Variants in PKNOX2 observed in about 807,000 individuals in gnomAD.
PKNOX2 encodes homeobox protein PKNOX2.
A neutral mutation model predicts 53.1 loss-of-function variants in PKNOX2; 14 were observed. The ratio of observed to expected loss-of-function variants is 0.26; its 90% CI spans 0.17 to 0.41. The LOEUF (loss-of-function observed/expected upper bound fraction) is 0.41, where lower values mean the gene tolerates loss of function less well. Among genes scored for constraint, PKNOX2 ranks in the 10% least tolerant of loss-of-function variants. The pLI, the probability that PKNOX2 is intolerant of heterozygous loss-of-function variation, is 1.00. For missense variants in PKNOX2, 496 were observed against 602.8 expected (o/e 0.82, Z 1.85); for synonymous variants, 257 against 242.8 (o/e 1.06, Z -0.54).
chr11:125,344,037 A>T (rs1393295185), intron 3 of PKNOX2, among the ~76,000 whole-genome samples: 1 of 152,156 alleles, frequency 6.6e-6, no homozygotes, highest in Non-Finnish European at 1.5e-5. Context: ...GCGGCTGAGG[A>T]GGGTGATGGA....
chr11:125,400,178 G>A (rs1394996506), intron 7 of PKNOX2, among the ~76,000 whole-genome samples: 3 of 152,118 alleles, frequency 2.0e-5, no homozygotes, highest in Non-Finnish European at 4.4e-5. Context: ...GGGGGAGGGG[G>A]TGATGCAAGC....
At chr11:125,232,417 C>T (rs1436784725) in intron 1 of PKNOX2, among the ~76,000 whole-genome samples, 3 of 152,182 alleles carry the variant, frequency 2.0e-5, no homozygotes, top group African/African-American at 4.8e-5. Context: ...GTCATTCATC[C>T]TCACCACCAC....
chr11:125,400,889 C>T (rs1954704833), intron 7 of PKNOX2, among the ~76,000 whole-genome samples: 1 of 152,106 alleles, frequency 6.6e-6, no homozygotes, highest in Admixed American at 6.5e-5. Context: ...ACCAAATCAC[C>T]TTATTATAGG....
At chr11:125,212,797 G>T (rs932738619) in intron 1 of PKNOX2, among the ~76,000 whole-genome samples, 3 of 152,028 alleles carry the variant, frequency 2.0e-5, no homozygotes, top group African/African-American at 7.2e-5. Context: ...TTCCCTAGTT[G>T]CTCCCACATC....
intron 3 of PKNOX2, among the ~76,000 whole-genome samples, chr11:125,349,837 TCACACACACACACACACACA>T (rs60332384): frequency 7.2e-6 from 1 of 138,038 alleles, no homozygotes; most frequent in Admixed American, 7.2e-5. Context: ...ACCAAAAGAA[TCACACACACACACACACACA>T]CACACACACA....
intron 2 of PKNOX2, among the ~76,000 whole-genome samples, chr11:125,269,304 T>A (rs1945608115): frequency 6.6e-6 from 1 of 152,160 alleles, no homozygotes; most frequent in African/African-American, 2.4e-5. Context: ...GTATTCATCA[T>A]CCTGATGGAA....
intron 1 of PKNOX2, among the ~76,000 whole-genome samples, chr11:125,199,528 G>A (rs145572732): frequency 6.6e-6 from 1 of 152,212 alleles, no homozygotes; most frequent in African/African-American, 2.4e-5. Context: ...GGTCAGCAAT[G>A]TGGGCTCCTG....
chr11:125,184,344 TC>T (rs1956329065), intron 1 of PKNOX2: 1 of 152,164 alleles, frequency 6.6e-6, no homozygotes, highest in Non-Finnish European at 1.5e-5. Flanking sequence ...GGGATGACTA[TC>T]CCCATTTTCA....
chr11:125,391,435 C>G (rs1377319282), intron 6 of PKNOX2, among the ~76,000 whole-genome samples: 2 of 152,140 alleles, frequency 1.3e-5, no homozygotes, highest in African/African-American at 2.4e-5. Flanking sequence ...ACCATAATAC[C>G]ACAGTGGTAT....
At chr11:125,214,352 A>G (rs1010782287) in intron 1 of PKNOX2, among the ~76,000 whole-genome samples, 1 of 149,598 alleles carries the variant, frequency 6.7e-6, no homozygotes, top group Non-Finnish European at 1.5e-5. Flanking sequence ...TCTCCCTCTT[A>G]CTCCCTTTCT....
At chr11:125,404,846 A>G (rs1954978210) in intron 7 of PKNOX2, among the ~76,000 whole-genome samples, 1 of 152,218 alleles carries the variant, frequency 6.6e-6, no homozygotes, top group Admixed American at 6.5e-5. Context: ...TGTGTCCAGT[A>G]TGTAAGGCAG....
intron 2 of PKNOX2, among the ~76,000 whole-genome samples, chr11:125,324,621 T>A (rs1230421590): frequency 6.6e-6 from 1 of 152,118 alleles, no homozygotes; most frequent in Non-Finnish European, 1.5e-5. Flanking sequence ...GCTGGAACGG[T>A]CCTCGTGCAG....
At chr11:125,323,855 T>TTGTGTGTG (rs57415781) in intron 2 of PKNOX2, among the ~76,000 whole-genome samples, 4,954 of 149,848 alleles carry the variant, frequency 0.033, 160 homozygotes, top group East Asian at 0.17. Context: ...GTTTCTGGGG[T>TTGTGTGTG]TGTGTGTGTG....
At chr11:125,209,223 G>A (rs1939530618) in intron 1 of PKNOX2, among the ~76,000 whole-genome samples, 2 of 152,042 alleles carry the variant, frequency 1.3e-5, no homozygotes, top group Non-Finnish European at 2.9e-5. Context: ...CACTTTACAG[G>A]TGAAGAAGCA....
intron 10 of PKNOX2, among the ~76,000 whole-genome samples, chr11:125,421,374 C>T (rs759036339): frequency 6.6e-6 from 1 of 152,122 alleles, no homozygotes; most frequent in South Asian, 2.1e-4. Flanking sequence ...ATGTGAGGAG[C>T]GGCTGAGGGG....
intron 1 of PKNOX2, among the ~76,000 whole-genome samples, chr11:125,225,325 C>T (rs7928369): frequency 0.8 from 121,727 of 152,206 alleles, 49,548 homozygotes; most frequent in African/African-American, 0.94. Flanking sequence ...TCGTCATTGA[C>T]CCCCAGCCTA....
intron 1 of PKNOX2, among the ~76,000 whole-genome samples, chr11:125,232,408 T>G (rs1942288019): frequency 6.6e-6 from 1 of 152,218 alleles, no homozygotes; most frequent in Non-Finnish European, 1.5e-5. Context: ...GTATATTAAG[T>G]CATTCATCCT....
chr11:125,339,462 G>A (rs1950574881), intron 3 of PKNOX2, among the ~76,000 whole-genome samples: 1 of 152,218 alleles, frequency 6.6e-6, no homozygotes, highest in Non-Finnish European at 1.5e-5. Flanking sequence ...ACAGCCAGCT[G>A]CCTCTTAGCC....
chr11:125,247,986 CT>C (rs1196806041), intron 2 of PKNOX2, among the ~76,000 whole-genome samples: 2 of 152,180 alleles, frequency 1.3e-5, no homozygotes, highest in African/African-American at 4.8e-5. Context: ...CCCAGAGCCC[CT>C]GGCCTGAACC....
Sources: allele counts gnomAD v4.1 joint callset (sites outside exome capture counted in the v4.1 genomes callset), GRCh38; gene constraint gnomAD v4.1.1; transcripts MANE v1.5; gene names NCBI Gene and HGNC (gene_info 2026-07-23, HGNC 2026-07-21).